The following TSPAN2 variants were observed in gnomAD, a reference collection of about 807,000 sequenced individuals.
TSPAN2 encodes tetraspanin-2.
In TSPAN2, 24 loss-of-function variants were observed where a neutral mutation model predicts 33.3. That is an observed-to-expected ratio of 0.72 (90% CI 0.52 to 1.01). The LOEUF (loss-of-function observed/expected upper bound fraction) is 1.01, where lower values mean the gene tolerates loss of function less well. TSPAN2 is among the 50% of genes least tolerant of loss of function. TSPAN2 has a pLI of 0.00. For synonymous variants in TSPAN2, 114 were observed against 104.5 expected (o/e 1.09, Z -0.56); for missense variants, 278 against 281.3 (o/e 0.99, Z 0.08).
chr1:115,064,872 C>T (rs186152280), intron 2 of TSPAN2, among the ~76,000 whole-genome samples: 1 of 152,322 alleles, frequency 6.6e-6, no homozygotes, highest in African/African-American at 2.4e-5. Flanking sequence ...GCTCACTGGA[C>T]AGGGGCACAG....
chr1:115,073,875 T>C (rs965117943), intron 1 of TSPAN2, among the ~76,000 whole-genome samples: 2 of 152,032 alleles, frequency 1.3e-5, no homozygotes, highest in Non-Finnish European at 2.9e-5. Context: ...TTGGAAGCCC[T>C]TTCTGCCATC....
intron 1 of TSPAN2, among the ~76,000 whole-genome samples, chr1:115,074,021 G>A (rs143172777): frequency 6.6e-6 from 1 of 152,152 alleles, no homozygotes; most frequent in East Asian, 1.9e-4. Flanking sequence ...GGCACCATGG[G>A]AAAGTAAGCA....
chr1:115,076,192 C>T (rs4839411), intron 1 of TSPAN2, among the ~76,000 whole-genome samples: 40,610 of 152,058 alleles, frequency 0.27, 5,577 homozygotes, highest in East Asian at 0.41. Context: ...GGGCAAGGAA[C>T]GACTGGCAGC....
chr1:115,064,717 T>C (rs1647875813), intron 2 of TSPAN2, among the ~76,000 whole-genome samples: 1 of 152,188 alleles, frequency 6.6e-6, no homozygotes, highest in South Asian at 2.1e-4. Flanking sequence ...TGCTTAGAGA[T>C]ATATGCTGGA....
intron 2 of TSPAN2, among the ~76,000 whole-genome samples, chr1:115,064,971 C>A (rs1280826846): frequency 6.6e-6 from 1 of 152,190 alleles, no homozygotes. Flanking sequence ...AAATAATGAG[C>A]TTTTCAGGAA....
At chr1:115,060,307 A>T (rs1387120851) in intron 4 of TSPAN2, among the ~76,000 whole-genome samples, 157 bp downstream of exon 4, 2 of 152,218 alleles carry the variant, frequency 1.3e-5, no homozygotes, top group Non-Finnish European at 2.9e-5. Flanking sequence ...GCACACTCAT[A>T]TACATATATG....
chr1:115,052,709 G>T (rs905523562), intron 7 of TSPAN2, among the ~76,000 whole-genome samples: 7 of 152,160 alleles, frequency 4.6e-5, no homozygotes, highest in Admixed American at 1.3e-4. Context: ...GATGCACTAC[G>T]CTTAATACCA....
intron 2 of TSPAN2, 95 bp downstream of exon 2, chr1:115,072,810 C>T: frequency 5.5e-6 from 6 of 1,082,094 alleles, no homozygotes; most frequent in South Asian, 5.2e-5. Flanking sequence ...CTCTGCCCTC[C>T]CCCTCCCACC....
chr1:115,057,802 G>A (rs969433245), intron 5 of TSPAN2, among the ~76,000 whole-genome samples, 194 bp from the exon 6 acceptor site: 3 of 152,234 alleles, frequency 2.0e-5, no homozygotes, highest in African/African-American at 7.2e-5. Context: ...AAATGACTTC[G>A]CTAAAGCCAT....
At chr1:115,074,334 C>T (rs925776332) in intron 1 of TSPAN2, among the ~76,000 whole-genome samples, 1 of 152,138 alleles carries the variant, frequency 6.6e-6, no homozygotes, top group African/African-American at 2.4e-5. Flanking sequence ...GGACTTTATC[C>T]CTCTTCTCCT....
At chr1:115,069,886 C>T (rs963082237) in intron 2 of TSPAN2, among the ~76,000 whole-genome samples, 1 of 152,206 alleles carries the variant, frequency 6.6e-6, no homozygotes, top group Non-Finnish European at 1.5e-5. Flanking sequence ...ATGAAACACA[C>T]AATTCTGATT....
chr1:115,087,341 C>T (rs1648877969), intron 1 of TSPAN2, among the ~76,000 whole-genome samples: 2 of 151,722 alleles, frequency 1.3e-5, no homozygotes, highest in Non-Finnish European at 2.9e-5. Flanking sequence ...GGCGGCCAGG[C>T]GCGGTGGCTC....
chr1:115,053,288 CTT>C, intron 7 of TSPAN2, 89 bp downstream of exon 7: 1 of 1,148,102 alleles, frequency 8.7e-7, no homozygotes, highest in South Asian at 1.3e-5. Context: ...AGAATTCTCT[CTT>C]AAGATACTAT....
chr1:115,056,517 G>A (rs565711140), intron 6 of TSPAN2, among the ~76,000 whole-genome samples: 1 of 152,260 alleles, frequency 6.6e-6, no homozygotes, highest in South Asian at 2.1e-4. Context: ...TGCTTACGCT[G>A]GTCTCTCGGC....
chr1:115,050,270 C>T lies in TSPAN2; in HGVS notation c.*220G>A, dbSNP rs1350129216. The T allele has an allele frequency of 1.4e-5, 8 of 572,010 alleles. No homozygotes were observed. Among genetic ancestry groups the T allele is most frequent in the Admixed American group, 3.5e-5 (1 of 28,710 alleles). The allele number at this position is 572,010 out of a possible 1,614,324, so 35.4% of individuals were successfully genotyped here. A position where few individuals can be genotyped will look rare whatever the true frequency, so the allele number is the denominator to read the frequency against. ...ACGTATAAAGCATATTCCAGAAACA[C>T]GCAGATCACACATGAATATGCTCTC... On this transcript the variant is annotated 3_prime_UTR_variant, in exon 8 of 8. Transcript: ENST00000369516.
chr1:115,088,501 G>A (rs1221376886), intron 1 of TSPAN2, among the ~76,000 whole-genome samples: 1 of 152,150 alleles, frequency 6.6e-6, no homozygotes, highest in Non-Finnish European at 1.5e-5. Flanking sequence ...GCAGGCCCTG[G>A]GACAGGGTAT....
At chr1:115,053,135 T>C (rs1361404173) in intron 7 of TSPAN2, among the ~76,000 whole-genome samples, 1 of 152,174 alleles carries the variant, frequency 6.6e-6, no homozygotes, top group Non-Finnish European at 1.5e-5. Context: ...AAACGGGAAG[T>C]TAATAACAAT....
chr1:115,089,460 T>G lies in TSPAN2; in HGVS notation c.-28A>C. On this transcript the variant is annotated 5_prime_UTR_variant, in exon 1 of 8. Coordinates refer to ENST00000369516, the MANE Select transcript of TSPAN2 (RefSeq NM_005725.6). ...TGCGGCCCGGCGGCGGGATCCCCAG[T>G]CCCCAGGCCCGCGCTACGAGCGCGG... 6.9e-7 allele frequency: 1 copy of G among 1,444,958 alleles called. No homozygotes were observed. The highest frequency in any genetic ancestry group is 9.2e-7 in the Non-Finnish European group (1 of 1,089,344). 89.5% of individuals were successfully genotyped at this position (1,444,958 alleles called of 1,614,324 possible). A position where few individuals can be genotyped will look rare whatever the true frequency, so the allele number is the denominator to read the frequency against.
At position 115,062,160 on chromosome 1, in the gene TSPAN2, C is replaced by A. The variant is rs748848518; in HGVS notation, c.245G>T (p.Arg82Leu). 5.6e-6 allele frequency: 9 copies of A among 1,599,132 alleles called. No homozygotes were observed. Among genetic ancestry groups the A allele is most frequent in the Non-Finnish European group, 6.8e-6 (8 of 1,172,742 alleles). ...TGATCCAAGCACACATTGCGACTCC[C>A]GCATGGCTCCGCAGCACCCGAAGAA... ...VGFFGCCGAM[R>L]ESQCVLGSFF... is the part of the protein sequence containing the mutation. Residue 82 changes from arginine (R) to leucine (L), a missense_variant, in exon 3 of 8, where the codon CGG (arginine) becomes CTG (leucine). By Grantham distance (102) the Arg-to-Leu change is moderately radical (BLOSUM62 -2). Coordinates refer to ENST00000369516, the MANE Select transcript of TSPAN2 (RefSeq NM_005725.6).
Sources: gnomAD v4.1 joint callset for allele counts (sites outside exome capture counted in the v4.1 genomes callset) on GRCh38, gnomAD v4.1.1 for gene constraint, MANE v1.5 for transcripts, NCBI Gene and HGNC (gene_info 2026-07-23, HGNC 2026-07-21) for gene names.